The following PXDN variants were observed in gnomAD, a reference collection of about 807,000 sequenced individuals.
PXDN encodes the protein peroxidasin, also known as peroxidasin homolog.
In PXDN, 77 loss-of-function variants were observed where a neutral mutation model predicts 140.3. The observed-to-expected ratio is 0.55, with a 90% CI of 0.46 to 0.66. PXDN has a LOEUF of 0.66. Among genes scored for constraint, PXDN ranks in the 30% least tolerant of loss-of-function variants. The pLI, the probability that PXDN is intolerant of heterozygous loss-of-function variation, is 0.00. For missense variants in PXDN, 1,838 were observed against 2,039.5 expected, an observed-to-expected ratio of 0.90 and a Z score of 1.90; for synonymous variants, 911 against 857.4, an observed-to-expected ratio of 1.06 and a Z score of -1.09.
chr2:1,710,368 C>T (rs974309505), intron 1 of PXDN, among the ~76,000 whole-genome samples: 5 of 152,130 alleles, frequency 3.3e-5, no homozygotes, highest in African/African-American at 9.7e-5. Flanking sequence ...GGGGGCTCAG[C>T]GTTTCTGGGG....
chr2:1,648,523 T>C lies in PXDN; in HGVS notation c.3257A>G (p.Glu1086Gly), dbSNP rs1682912378. ...LVNPLLYRLD[E>G]NFQPIAQDHL... ...ATCTTGTGCAATGGGCTGGAAGTTCTCGTCCAGCCGGTAAAGCAGTGGGTT... is the reference window on the plus strand; with the variant it reads ...ATCTTGTGCAATGGGCTGGAAGTTCCCGTCCAGCCGGTAAAGCAGTGGGTT... Residue 1086 changes from glutamate to glycine, a missense_variant, in exon 17 of 23, where the codon GAG (glutamate) becomes GGG (glycine). Glu to Gly is a moderately conservative substitution (Grantham distance 98, BLOSUM62 -2). Coordinates refer to ENST00000252804, the MANE Select transcript of PXDN (RefSeq NM_012293.3). The surrounding 1 kb of genome is among the most constrained non-coding windows in gnomAD (Gnocchi z 8.9). The C allele has an allele frequency of 1.2e-6, 2 of 1,613,220 alleles. No homozygotes were observed. The highest frequency in any genetic ancestry group is 1.7e-6 in the Non-Finnish European group (2 of 1,179,862).
rs1233812644 is a variant in PXDN, at chr2:1,643,387, C to T, written c.3933G>A (p.Val1311=). 2 of 1,613,776 alleles carry T rather than the reference C, an allele frequency of 1.2e-6. No individual in the cohort carries two copies. The highest frequency in any genetic ancestry group is 1.7e-6 in the Non-Finnish European group (2 of 1,179,908). The change falls in exon 19 of 23, where the codon GTG becomes GTA. Residue 1311 remains valine (V), a synonymous_variant. Transcript: ENST00000252804. The part of the protein sequence containing the change: ...CDEIPRVDLR[V]WQDCCEDCRT... Reference sequence around the variant, plus strand: ...ACGCACCTTCACAGCAGTCCTGCCACACCCGGAGGTCTACCCTGGGGATCT... The same window carrying T: ...ACGCACCTTCACAGCAGTCCTGCCATACCCGGAGGTCTACCCTGGGGATCT...
chr2:1,698,329 C>T (rs541578062), intron 1 of PXDN, among the ~76,000 whole-genome samples: 24 of 152,266 alleles, frequency 1.6e-4, no homozygotes, highest in South Asian at 4.1e-4. Context: ...GGCAGCAGCA[C>T]CTGCACTTGG....
At chr2:1,666,129 G>T in intron 10 of PXDN, 85 bp downstream of exon 10, 2 of 1,519,406 alleles carry the variant, frequency 1.3e-6, no homozygotes, top group Non-Finnish European at 1.8e-6. Flanking sequence ...ATTCTATGGA[G>T]CGTCTGTGGG....
chr2:1,718,038 T>G (rs535541270), intron 1 of PXDN, among the ~76,000 whole-genome samples: 2 of 146,488 alleles, frequency 1.4e-5, no homozygotes, highest in South Asian at 2.2e-4. Context: ...AAAGCTATTC[T>G]ACTAACCAAC....
intron 1 of PXDN, among the ~76,000 whole-genome samples, chr2:1,732,319 C>A (rs757988236): frequency 1.3e-4 from 20 of 152,108 alleles, no homozygotes; most frequent in Non-Finnish European, 2.5e-4. Flanking sequence ...GGCCCAGGGG[C>A]CTGCAGAGCG....
intron 1 of PXDN, among the ~76,000 whole-genome samples, chr2:1,729,343 C>T (rs972684880): frequency 1.5e-4 from 23 of 152,314 alleles, no homozygotes; most frequent in Non-Finnish European, 2.1e-4. Context: ...CTGACCCTCC[C>T]TTCAGCCCTC....
At chr2:1,709,447 ACAGCGGGGCTGGGGTG>A (rs56191708) in intron 1 of PXDN, among the ~76,000 whole-genome samples, 4,614 of 152,172 alleles carry the variant, frequency 0.03, 100 homozygotes, top group African/African-American at 0.054. Flanking sequence ...AACGGAAGCC[ACAGCGGGGCTGGGGTG>A]CAGCGGGGCT....
chr2:1,712,060 G>A (rs1158319476), intron 1 of PXDN, among the ~76,000 whole-genome samples: 3 of 147,474 alleles, frequency 2.0e-5, no homozygotes, highest in Non-Finnish European at 4.5e-5. Context: ...AATATATATT[G>A]ATCAAGATCA....
At chr2:1,675,175 C>T (rs1220774759) in intron 8 of PXDN, among the ~76,000 whole-genome samples, 2 of 152,134 alleles carry the variant, frequency 1.3e-5, no homozygotes, top group African/African-American at 4.8e-5. Flanking sequence ...TCCCCCCCAC[C>T]AGAAACACGG....
At position 1,716,370 on chromosome 2, in the gene PXDN, G is replaced by A. The variant is rs1373779672; in HGVS notation, c.201-23236C>T. The stretch of plus-strand genomic sequence containing the variant: ...GAAGAATCACTTGAACCCGGGAGGT[G>A]GAGGTTGCGGTGAGCCGAGACCATG... On this transcript the variant is annotated intron_variant, in intron 1 of 22. Transcript: ENST00000252804. Among the ~76,000 whole-genome samples, 51 of 150,424 alleles carry A rather than the reference G, an allele frequency of 3.4e-4. 1 individual carries two copies. The highest frequency in any genetic ancestry group is 3.0e-5 in the Non-Finnish European group (2 of 67,766).
In PXDN at chr2:1,639,361, A is replaced by G. The variant is rs372783808; in HGVS notation, c.4014T>C (p.Leu1338=). 2.5e-6 allele frequency: 4 copies of G among 1,613,900 alleles called. No homozygotes were observed. In the African/African-American group the frequency reaches 4.0e-5, roughly 16 times the overall value. The change falls in exon 20 of 23, where the codon CTT becomes CTC. Residue 1338 remains leucine (L), a synonymous_variant. Coordinates refer to ENST00000252804, the MANE Select transcript of PXDN (RefSeq NM_012293.3). The surrounding 1 kb of genome is among the most constrained non-coding windows in gnomAD (Gnocchi z 5.0). ...FSYHFRGRRS[L]EFSYQEDKPT... is the part of the protein sequence containing the mutation. ...GCTTGTCCTCCTGGTAGCTGAACTC[A>G]AGAGACCGTCTGCCTCGGAAATGAT...
intron 1 of PXDN, among the ~76,000 whole-genome samples, chr2:1,695,227 C>A (rs1377927412): frequency 6.6e-6 from 1 of 152,250 alleles, no homozygotes; most frequent in Non-Finnish European, 1.5e-5. Flanking sequence ...GACATGCAGG[C>A]CTTTCCCCAG....
At position 1,731,167 on chromosome 2, in the gene PXDN, C is replaced by A. The variant is rs988042338; in HGVS notation, c.200+13089G>T. 5.9e-5 allele frequency among the ~76,000 whole-genome samples: 9 copies of A among 152,156 alleles called. No individual in the cohort carries two copies. In the East Asian group the frequency reaches 1.7e-3, roughly 29 times the overall value. On this transcript the variant is annotated intron_variant, in intron 1 of 22. Coordinates refer to ENST00000252804, the MANE Select transcript of PXDN (RefSeq NM_012293.3). ...GAGCGCGCGCGCACACACACACACA[C>A]ACACACACACACATGAACTAGTGAG...
At chr2:1,646,548 G>C (rs188202855) in intron 17 of PXDN, among the ~76,000 whole-genome samples, 1 of 152,100 alleles carries the variant, frequency 6.6e-6, no homozygotes, top group Non-Finnish European at 1.5e-5. Flanking sequence ...TAATTTAAGC[G>C]CATTATTTAA....
rs538987073 is a variant in PXDN, at chr2:1,687,490, C to T, written c.416+142G>A. 1.2e-4 allele frequency: 66 copies of T among 534,432 alleles called. No homozygotes were observed. The highest frequency in any genetic ancestry group is 1.9e-4 in the Non-Finnish European group (63 of 331,986). 33.1% of individuals were successfully genotyped at this position (534,432 alleles called of 1,614,324 possible). ...AATGACTCGCCCATCCCTGTTTTTC[C>T]GTCATCATGCACGTACTCCCCGCAC... On this transcript the variant is annotated intron_variant, in intron 4 of 22. Transcript: ENST00000252804. The surrounding 1 kb of genome is among the most constrained non-coding windows in gnomAD (Gnocchi z 4.0).
At chr2:1,741,550 A>T (rs1685545827) in intron 1 of PXDN, among the ~76,000 whole-genome samples, 1 of 152,094 alleles carries the variant, frequency 6.6e-6, no homozygotes, top group Admixed American at 6.6e-5. Context: ...CAAGCCACAA[A>T]TCAAACAACC....
chr2:1,665,549 A>G (rs2125427445), intron 10 of PXDN, among the ~76,000 whole-genome samples: 1 of 152,346 alleles, frequency 6.6e-6, no homozygotes, highest in Non-Finnish European at 1.5e-5. Flanking sequence ...TAACAGCCAC[A>G]AAAAAAGTAA....
intron 1 of PXDN, among the ~76,000 whole-genome samples, chr2:1,716,043 C>G (rs1273651148): frequency 1.3e-5 from 2 of 152,196 alleles, no homozygotes; most frequent in African/African-American, 4.8e-5. Context: ...GACAAGGCAA[C>G]AGGCAGGCCT....
Sources: allele counts gnomAD v4.1 joint callset (sites outside exome capture counted in the v4.1 genomes callset), GRCh38; gene constraint gnomAD v4.1.1; non-coding constraint Gnocchi (gnomAD v3.1); transcripts MANE v1.5; gene names NCBI Gene and HGNC (gene_info 2026-07-23, HGNC 2026-07-21).